The following DCAF8L2 variants were observed in gnomAD, a reference collection of about 807,000 sequenced individuals.
DCAF8L2 encodes the protein DDB1- and CUL4-associated factor 8-like protein 2.
For synonymous variants in DCAF8L2, 200 were observed against 190.9 expected (o/e 1.05, Z -0.39); for missense variants, 430 against 490.7 (o/e 0.88, Z 1.17).
At chrX:27,567,546 C>CATAT in the DCAF8L2 span, among the ~76,000 whole-genome samples, 8,871 of 29,365 alleles carry the variant, frequency 0.3, 1,647 homozygotes, top group Middle Eastern at 0.44. Context: ...ACCACTGTAG[C>CATAT]ATATATATAT....
intron 1 of DCAF8L2, among the ~76,000 whole-genome samples, chrX:27,599,085 A>C (rs971202600): frequency 9.1e-6 from 1 of 110,176 alleles, no homozygotes; most frequent in African/African-American, 3.3e-5. Context: ...TCACAGAACT[A>C]TTCACAATAC....
chrX:27,557,495 T>G, the DCAF8L2 span, among the ~76,000 whole-genome samples: 1 of 111,888 alleles, frequency 8.9e-6, no homozygotes, highest in African/African-American at 3.2e-5. Flanking sequence ...GCTATTAAAT[T>G]TATTGTCCCA....
the DCAF8L2 span, among the ~76,000 whole-genome samples, chrX:27,482,051 A>G: frequency 6.3e-5 from 7 of 111,585 alleles, no homozygotes; most frequent in African/African-American, 1.6e-4. Flanking sequence ...TTAGTTGTCT[A>G]TGAGTTTCTA....
At chrX:27,714,310 G>A (rs1410147331) in intron 3 of DCAF8L2, among the ~76,000 whole-genome samples, 1 of 111,109 alleles carries the variant, frequency 9.0e-6, no homozygotes, top group Non-Finnish European at 1.9e-5. Context: ...GAAATCAAGG[G>A]GTTAGAATTA....
the DCAF8L2 span, among the ~76,000 whole-genome samples, chrX:27,534,515 A>T: frequency 8.9e-6 from 1 of 112,203 alleles, no homozygotes; most frequent in Non-Finnish European, 1.9e-5. Flanking sequence ...TTTTGCTCTA[A>T]GCCTGAATTA....
At chrX:27,645,367 A>G (rs1375192947) in intron 2 of DCAF8L2, among the ~76,000 whole-genome samples, 1 of 111,676 alleles carries the variant, frequency 9.0e-6, no homozygotes, top group Non-Finnish European at 1.9e-5. Context: ...ATAAAATCCA[A>G]CATCCTCATG....
intron 3 of DCAF8L2, among the ~76,000 whole-genome samples, chrX:27,705,163 C>T (rs1931300732): frequency 9.0e-6 from 1 of 111,413 alleles, no homozygotes; most frequent in Non-Finnish European, 1.9e-5. Context: ...GCATACTATT[C>T]CATGGTGTAT....
chrX:27,603,690 A>T lies in DCAF8L2; in HGVS notation c.-342+13250A>T, dbSNP rs1300823873. Among the ~76,000 whole-genome samples the T allele has an allele frequency of 4.5e-5, 5 of 112,043 alleles. No individual in the cohort carries two copies. The East Asian group carries it at 1.4e-3, about 31-fold the overall frequency. On this transcript the variant is annotated intron_variant, in intron 1 of 4. Coordinates refer to ENST00000451261, the MANE Select transcript of DCAF8L2 (RefSeq NM_001353450.2). The stretch of plus-strand genomic sequence containing the variant: ...AAGCATGGTGTGCTGGAACAGAAGT[A>T]TTTCAACTATATTTCAGTCAACACT...
the DCAF8L2 span, among the ~76,000 whole-genome samples, chrX:27,485,470 TC>T: frequency 9.0e-6 from 1 of 111,413 alleles, no homozygotes; most frequent in African/African-American, 3.3e-5. Flanking sequence ...AAGTTAAGTA[TC>T]CTTCTGTATT....
chrX:27,698,436 C>T (rs1466762405), intron 3 of DCAF8L2, among the ~76,000 whole-genome samples: 1 of 111,442 alleles, frequency 9.0e-6, no homozygotes, highest in Non-Finnish European at 1.9e-5. Context: ...GACTGAATCT[C>T]CTCCATACAA....
the DCAF8L2 span, among the ~76,000 whole-genome samples, chrX:27,533,166 GAAAGAAAGAAAGAAAGAAAGAA>G: frequency 2.5e-3 from 28 of 11,345 alleles, 1 homozygote; most frequent in Admixed American, 6.4e-3. Context: ...GAGAGAGAGA[GAAAGAAAGAAAGAAAGAAAGAA>G]AGAAAGAAAG....
intron 2 of DCAF8L2, among the ~76,000 whole-genome samples, chrX:27,641,811 C>T (rs946640165): frequency 1.6e-4 from 18 of 110,398 alleles, no homozygotes; most frequent in African/African-American, 5.3e-4. Context: ...CTCTGCATAA[C>T]GTGTGTTTGC....
chrX:27,727,661 T>C (rs1932115123), intron 4 of DCAF8L2, among the ~76,000 whole-genome samples: 1 of 111,596 alleles, frequency 9.0e-6, no homozygotes, highest in African/African-American at 3.2e-5. Context: ...CAAATTTCCT[T>C]TCCTAGCCCC....
At chrX:27,717,035 C>T (rs1171761785) in intron 4 of DCAF8L2, among the ~76,000 whole-genome samples, 1 of 112,146 alleles carries the variant, frequency 8.9e-6, no homozygotes, top group East Asian at 2.8e-4. Context: ...CTTCCAGCTT[C>T]ATCCATGTCC....
chrX:27,749,049 C>T lies in DCAF8L2; in HGVS notation c.*258C>T, dbSNP rs1455011899. On this transcript the variant is annotated 3_prime_UTR_variant, in exon 5 of 5. Coordinates refer to ENST00000451261, the MANE Select transcript of DCAF8L2 (RefSeq NM_001353450.2). The stretch of plus-strand genomic sequence containing the variant: ...CCCCTTATTCTTACATGAGTGCATA[C>T]ACAACTTATTTATGCCTCTTTTCCT... 9.0e-6 allele frequency among the ~76,000 whole-genome samples: 1 copy of T among 110,830 alleles called. No homozygotes were observed. Among genetic ancestry groups the T allele is most frequent in the Non-Finnish European group, 1.9e-5 (1 of 53,001 alleles).
the DCAF8L2 span, among the ~76,000 whole-genome samples, chrX:27,511,107 G>A: frequency 9.9e-5 from 11 of 110,938 alleles, no homozygotes. Context: ...CTCCAAAGCT[G>A]TACAAGTTTC....
chrX:27,732,161 C>T (rs373479549), intron 4 of DCAF8L2, among the ~76,000 whole-genome samples: 2 of 111,590 alleles, frequency 1.8e-5, no homozygotes, highest in Non-Finnish European at 3.8e-5. Context: ...AATCTGCTGA[C>T]TTAGCAAATT....
At chrX:27,704,694 T>C (rs1931282907) in intron 3 of DCAF8L2, among the ~76,000 whole-genome samples, 2 of 111,597 alleles carry the variant, frequency 1.8e-5, no homozygotes, top group Admixed American at 9.5e-5. Flanking sequence ...TAGAAGATGA[T>C]GAATGTGTTA....
intron 2 of DCAF8L2, among the ~76,000 whole-genome samples, chrX:27,670,470 G>A (rs778713059): frequency 1.1e-4 from 12 of 111,515 alleles, no homozygotes; most frequent in Non-Finnish European, 1.7e-4. Flanking sequence ...TTCCCATGAA[G>A]TGGGTTGTTG....
Sources: gnomAD v4.1 joint callset for allele counts (sites outside exome capture counted in the v4.1 genomes callset) on GRCh38, gnomAD v4.1.1 for gene constraint, MANE v1.5 for transcripts, NCBI Gene and HGNC (gene_info 2026-07-23, HGNC 2026-07-21) for gene names.